GRIN2B: variants seen among roughly 807,000 people sequenced by gnomAD.
GRIN2B encodes the protein glutamate ionotropic receptor NMDA type subunit 2B.
Under a neutral mutation model 114.5 loss-of-function variants are expected in GRIN2B, and 5 were observed. The observed-to-expected ratio is 0.04, with a 90% CI of 0.02 to 0.09. The LOEUF (loss-of-function observed/expected upper bound fraction) is 0.09, where lower values mean the gene tolerates loss of function less well. Among genes scored for constraint, GRIN2B ranks in the 10% least tolerant of loss-of-function variants. The pLI is 1.00. For synonymous variants in GRIN2B, 787 were observed against 745.1 expected (o/e 1.06, Z -0.92); for missense variants, 1,108 against 1,943.5 (o/e 0.57, Z 8.08).
In GRIN2B at chr12:13,620,183, C is replaced by T. The variant is rs552859933; in HGVS notation, c.1126-3526G>A. On this transcript the variant is annotated intron_variant, in intron 5 of 13. Coordinates refer to ENST00000609686, the MANE Select transcript of GRIN2B (RefSeq NM_000834.5). Reference sequence around the variant, plus strand: ...GAGGAGGTAAGAGTTATTTATCTGCCAAGGAAAGGGCAAGAGTGAGGGAAC... The same window carrying T: ...GAGGAGGTAAGAGTTATTTATCTGCTAAGGAAAGGGCAAGAGTGAGGGAAC... Among the ~76,000 whole-genome samples the T allele has an allele frequency of 2.0e-5, 3 of 152,214 alleles. No individual in the cohort carries two copies. In the East Asian group the frequency reaches 5.8e-4, roughly 29 times the overall value.
intron 3 of GRIN2B, among the ~76,000 whole-genome samples, chr12:13,766,913 C>T (rs1015055207): frequency 1.6e-4 from 24 of 152,150 alleles, no homozygotes; most frequent in African/African-American, 5.3e-4. Context: ...GCGTTCCTAC[C>T]GTAGAGATGA....
At chr12:13,963,744 G>A (rs374198048) in intron 2 of GRIN2B, among the ~76,000 whole-genome samples, 10 of 152,230 alleles carry the variant, frequency 6.6e-5, no homozygotes, top group African/African-American at 2.4e-4. Flanking sequence ...TCTGGGGAGT[G>A]GCACTAGGGC....
At position 13,567,016 on chromosome 12, in the gene GRIN2B, A is replaced by T. The variant is rs747961699; in HGVS notation, c.2598+9T>A. 3 of 1,595,492 alleles carry T rather than the reference A, an allele frequency of 1.9e-6. No homozygotes were observed. Among genetic ancestry groups the T allele is most frequent in the Non-Finnish European group, 2.6e-6 (3 of 1,162,932 alleles). On this transcript the variant is annotated intron_variant, in intron 13 of 13. Coordinates refer to ENST00000609686, the MANE Select transcript of GRIN2B (RefSeq NM_000834.5). ...AACAAGCTTTAGGCATTTAAATCAAAACACTTACTCTGCTGATGGAGAAGA... is the reference window on the plus strand; with the variant it reads ...AACAAGCTTTAGGCATTTAAATCAATACACTTACTCTGCTGATGGAGAAGA...
chr12:13,666,314 C>A (rs1949974855), intron 5 of GRIN2B, among the ~76,000 whole-genome samples: 1 of 152,122 alleles, frequency 6.6e-6, no homozygotes, highest in Non-Finnish European at 1.5e-5. Context: ...CCTGTAAAAC[C>A]AGCAATGGGC....
intron 4 of GRIN2B, among the ~76,000 whole-genome samples, chr12:13,692,640 C>T (rs1435628680): frequency 6.6e-6 from 1 of 151,876 alleles, no homozygotes; most frequent in Non-Finnish European, 1.5e-5. Flanking sequence ...GGGATGCCAT[C>T]CTGTCCTAGG....
chr12:13,700,435 G>T (rs1384329363), intron 4 of GRIN2B, among the ~76,000 whole-genome samples: 1 of 152,250 alleles, frequency 6.6e-6, no homozygotes, highest in Admixed American at 6.5e-5. Context: ...TCCATCAAGA[G>T]GTAGTCTACT....
chr12:13,604,775 G>C lies in GRIN2B; in HGVS notation c.2010+3828C>G, dbSNP rs764858851. ...TTTTAACATTTTAAGTATATTTTCA[G>C]GAAACTCTCTTTCTGATTTATATAA... On this transcript the variant is annotated intron_variant, in intron 10 of 13. Coordinates refer to ENST00000609686, the MANE Select transcript of GRIN2B (RefSeq NM_000834.5). Among the ~76,000 whole-genome samples, 118 of 151,780 alleles carry C rather than the reference G, an allele frequency of 7.8e-4. 1 individual carries two copies. The highest frequency in any genetic ancestry group is 1.3e-3 in the Admixed American group (20 of 15,232).
chr12:13,709,863 G>A (rs1258932731), intron 4 of GRIN2B, among the ~76,000 whole-genome samples: 1 of 151,794 alleles, frequency 6.6e-6, no homozygotes, highest in Non-Finnish European at 1.5e-5. Flanking sequence ...AAAAATGGTT[G>A]GCCATATCTG....
chr12:13,838,293 C>T (rs994933620), intron 3 of GRIN2B, among the ~76,000 whole-genome samples: 1 of 152,146 alleles, frequency 6.6e-6, no homozygotes, highest in Non-Finnish European at 1.5e-5. Flanking sequence ...ATTTTCCACC[C>T]TTAAAGCCCC....
Position 13,647,448 on chromosome 12 carries a change from C to T in GRIN2B, c.1125+28297G>A, listed in dbSNP as rs116735105. 7.7e-3 allele frequency among the ~76,000 whole-genome samples: 1,172 copies of T among 152,166 alleles called. 17 individuals are homozygous for T. Among genetic ancestry groups the T allele is most frequent in the African/African-American group, 0.026 (1,075 of 41,524 alleles). On this transcript the variant is annotated intron_variant, in intron 5 of 13. Transcript: ENST00000609686. ...TCCACCATGTTGCTTTTCCACAATTCTCTTCTCATTAACTTTCATTGTTGA... is the reference window on the plus strand; with the variant it reads ...TCCACCATGTTGCTTTTCCACAATTTTCTTCTCATTAACTTTCATTGTTGA...
At chr12:13,947,598 A>C (rs772244432) in intron 2 of GRIN2B, among the ~76,000 whole-genome samples, 5 of 152,206 alleles carry the variant, frequency 3.3e-5, no homozygotes, top group Admixed American at 6.5e-5. Flanking sequence ...AGAATGTTTC[A>C]ACATCCCCAT....
At chr12:13,649,240 G>A (rs1446398145) in intron 5 of GRIN2B, among the ~76,000 whole-genome samples, 1 of 152,042 alleles carries the variant, frequency 6.6e-6, no homozygotes, top group Admixed American at 6.6e-5. Context: ...AACAAAGGCA[G>A]GCAGGGAGAG....
At chr12:13,704,620 C>T (rs11055595) in intron 4 of GRIN2B, among the ~76,000 whole-genome samples, 61,945 of 151,858 alleles carry the variant, frequency 0.41, 13,024 homozygotes, top group Non-Finnish European at 0.46. Context: ...TTGGCACCAT[C>T]TCCAAGTGAA....
At chr12:13,913,362 A>C (rs73057700) in intron 2 of GRIN2B, among the ~76,000 whole-genome samples, 15,622 of 152,156 alleles carry the variant, frequency 0.1, 1,074 homozygotes, top group Middle Eastern at 0.22. Flanking sequence ...AGGTGACAGA[A>C]GAGAGTTTTT....
intron 5 of GRIN2B, among the ~76,000 whole-genome samples, chr12:13,651,918 G>A (rs374966480): frequency 8.5e-5 from 13 of 152,076 alleles, no homozygotes; most frequent in Admixed American, 7.2e-4. Flanking sequence ...GATGAGTTAT[G>A]AGAATTAAAT....
At chr12:13,871,498 A>G (rs1042374778) in intron 2 of GRIN2B, among the ~76,000 whole-genome samples, 1 of 151,948 alleles carries the variant, frequency 6.6e-6, no homozygotes, top group Non-Finnish European at 1.5e-5. Flanking sequence ...TTTCTAGAGC[A>G]CAATTAAAGC....
intron 4 of GRIN2B, among the ~76,000 whole-genome samples, chr12:13,723,657 TG>T: frequency 6.6e-6 from 1 of 152,218 alleles, no homozygotes; most frequent in African/African-American, 2.4e-5. Context: ...ATTCCTAGTA[TG>T]TTCATTCTTT....
intron 5 of GRIN2B, among the ~76,000 whole-genome samples, chr12:13,624,324 G>A (rs1949548302): frequency 6.6e-6 from 1 of 152,050 alleles, no homozygotes; most frequent in Admixed American, 6.5e-5. Context: ...GCCTCCACTA[G>A]ATCTCCCTCC....
chr12:13,877,282 AAGAG>A lies in GRIN2B; in HGVS notation c.-18-11060_-18-11057del, dbSNP rs140793321. Reference sequence around the variant, plus strand: ...AACAAGCTTTTGAGACTATACCTCAAAGAGAGCCCTGTAGCTAGGCCAGTGTCAA... The same window carrying A: ...AACAAGCTTTTGAGACTATACCTCAAAGCCCTGTAGCTAGGCCAGTGTCAA... On this transcript the variant is annotated intron_variant, in intron 2 of 13. Transcript: ENST00000609686. Among the ~76,000 whole-genome samples the A allele has an allele frequency of 6.8e-3, 1,038 of 152,278 alleles. 7 individuals carry two copies. The highest frequency in any genetic ancestry group is 0.012 in the Non-Finnish European group (784 of 68,012).
Sources: gnomAD v4.1 joint callset for allele counts (sites outside exome capture counted in the v4.1 genomes callset) on GRCh38, gnomAD v4.1.1 for gene constraint, MANE v1.5 for transcripts, NCBI Gene and HGNC (gene_info 2026-07-23, HGNC 2026-07-21) for gene names.